RPS6KA2: variants seen among roughly 807,000 people sequenced by gnomAD.
The protein encoded by RPS6KA2 is ribosomal protein S6 kinase alpha-2.
In RPS6KA2, 42 loss-of-function variants were observed where a neutral mutation model predicts 91.8. The ratio of observed to expected loss-of-function variants is 0.46; its 90% CI spans 0.36 to 0.59. The LOEUF is 0.59. Among genes scored for constraint, RPS6KA2 ranks in the 20% least tolerant of loss-of-function variants. The pLI is 0.00. For missense variants in RPS6KA2, 798 were observed against 978.5 expected, an observed-to-expected ratio of 0.82 and a Z score of 2.46; for synonymous variants, 414 against 393.6, an observed-to-expected ratio of 1.05 and a Z score of -0.61.
intron 2 of RPS6KA2, chr6:166,702,131 C>T (rs374594812): frequency 4.0e-5 from 62 of 1,552,178 alleles, no homozygotes; most frequent in East Asian, 2.9e-4. Context: ...ATTTTCTTTA[C>T]GGTGGACATC....
intron 1 of RPS6KA2, among the ~76,000 whole-genome samples, chr6:166,623,322 A>G (rs1786712650): frequency 6.6e-6 from 1 of 152,232 alleles, no homozygotes; most frequent in African/African-American, 2.4e-5. Context: ...TAAGCTTTGG[A>G]GGTTCCACAT....
At chr6:166,809,339 G>C (rs915615513) in intron 2 of RPS6KA2, among the ~76,000 whole-genome samples, 2 of 152,044 alleles carry the variant, frequency 1.3e-5, no homozygotes, top group Non-Finnish European at 2.9e-5. Flanking sequence ...ACAAAATAAT[G>C]GATTTGACAA....
upstream of RPS6KA2, chr6:166,627,934 C>T (rs1263038319): frequency 6.6e-6 from 1 of 152,188 alleles, no homozygotes; most frequent in Non-Finnish European, 1.5e-5. Context: ...CAGGAGCCGC[C>T]CTCCGCGGAA....
At chr6:166,663,358 G>A (rs997512124) in intron 2 of RPS6KA2, among the ~76,000 whole-genome samples, 5 of 152,114 alleles carry the variant, frequency 3.3e-5, no homozygotes, top group East Asian at 3.9e-4. Flanking sequence ...GACAATGAAC[G>A]TGAATCTCAT....
Position 166,697,280 on chromosome 6 carries a change from C to T in RPS6KA2, c.124-158496G>A, listed in dbSNP as rs555554124. On this transcript the variant is annotated intron_variant, in intron 2 of 21. Transcript: ENST00000503859. ...CATTGTAAATAAACCATAGTGCAAC[C>T]CAAGAAATAGAAATGAAAGCGGAAG... is the stretch of plus-strand genomic sequence containing the variant. Among the ~76,000 whole-genome samples the T allele has an allele frequency of 2.0e-5, 3 of 152,204 alleles. No individual in the cohort carries two copies. In the South Asian group the frequency reaches 6.2e-4, roughly 32 times the overall value.
intron 10 of RPS6KA2, among the ~76,000 whole-genome samples, chr6:166,478,703 T>C (rs888169079): frequency 3.3e-5 from 5 of 152,152 alleles, no homozygotes; most frequent in Non-Finnish European, 5.9e-5. Flanking sequence ...AAGAAAAGTG[T>C]CAGATGAGCA....
At chr6:166,470,495 T>G (rs143062047) in intron 10 of RPS6KA2, among the ~76,000 whole-genome samples, 2 of 152,334 alleles carry the variant, frequency 1.3e-5, no homozygotes, top group Admixed American at 1.3e-4. Flanking sequence ...CTTTGTTCTG[T>G]TATTTCTACC....
Position 166,648,121 on chromosome 6 carries a change from C to G in RPS6KA2, c.124-109337G>C, listed in dbSNP as rs530716428. On this transcript the variant is annotated intron_variant, in intron 2 of 21. Coordinates refer to the RPS6KA2 transcript ENST00000503859. The surrounding 1 kb of genome is among the most constrained non-coding windows in gnomAD (Gnocchi z 4.8). ...TCATACACACACGTGCACACACACG[C>G]TCATACACATACATGCACACACGCA... 1.2e-3 allele frequency among the ~76,000 whole-genome samples: 179 copies of G among 151,356 alleles called. 1 individual carries two copies. The highest frequency in any genetic ancestry group is 3.8e-3 in the African/African-American group (157 of 41,194).
intron 10 of RPS6KA2, among the ~76,000 whole-genome samples, chr6:166,474,783 C>T (rs992565362): frequency 1.3e-5 from 2 of 152,138 alleles, no homozygotes; most frequent in African/African-American, 4.8e-5. Flanking sequence ...AACACCACAC[C>T]CAGGGTCTAG....
intron 1 of RPS6KA2, among the ~76,000 whole-genome samples, chr6:166,604,246 T>A (rs1180015385): frequency 6.6e-6 from 1 of 152,220 alleles, no homozygotes; most frequent in East Asian, 1.9e-4. Context: ...TATCAGTGTT[T>A]GTAAGTTTCA....
chr6:166,540,342 G>A (rs1203864850), intron 1 of RPS6KA2, among the ~76,000 whole-genome samples: 2 of 152,204 alleles, frequency 1.3e-5, no homozygotes, highest in Admixed American at 1.3e-4. Context: ...AACTCACAGC[G>A]GATTAGAGGC....
rs138885165 is a variant in RPS6KA2 at position 166,741,116 on chromosome 6, G to C, written c.123+117084C>G. Among the ~76,000 whole-genome samples, 1,104 of 152,374 alleles carry C rather than the reference G, an allele frequency of 7.2e-3. 6 individuals carry two copies. Among genetic ancestry groups the C allele is most frequent in the Non-Finnish European group, 0.012 (814 of 68,034 alleles). On this transcript the variant is annotated intron_variant, in intron 2 of 21. Transcript: ENST00000503859. The stretch of plus-strand genomic sequence containing the variant: ...AATCAGTGACACCTGAAGGAGAAAA[G>C]ATGGCTTGCAGAAAAACATGTACAG...
rs906301580 is a variant in RPS6KA2, at chr6:166,604,445, G to A, written c.99+22476C>T. Among the ~76,000 whole-genome samples the A allele has an allele frequency of 3.9e-5, 6 of 152,108 alleles. No homozygotes were observed. In the South Asian group the frequency reaches 6.2e-4, roughly 16 times the overall value. On this transcript the variant is annotated intron_variant, in intron 1 of 20. Transcript: ENST00000265678. Reference sequence around the variant, plus strand: ...AGACATAAACTCCATGTTTTATAATGCCCAGAGTGGTGCGTGCTTCCCCGC... The same window carrying A: ...AGACATAAACTCCATGTTTTATAATACCCAGAGTGGTGCGTGCTTCCCCGC...
chr6:166,797,834 G>C (rs1001655992), intron 2 of RPS6KA2, among the ~76,000 whole-genome samples: 6 of 152,190 alleles, frequency 3.9e-5, no homozygotes, highest in Non-Finnish European at 8.8e-5. Flanking sequence ...TTTAAGCACA[G>C]AGGTGATTGA....
intron 2 of RPS6KA2, chr6:166,701,465 T>TC (rs1417734704): frequency 2.6e-6 from 3 of 1,154,282 alleles, no homozygotes; most frequent in Non-Finnish European, 3.9e-6. Flanking sequence ...GATCCAGCGA[T>TC]CATCACCATC....
At chr6:166,646,621 G>A (rs1787610992) in intron 2 of RPS6KA2, among the ~76,000 whole-genome samples, 1 of 152,234 alleles carries the variant, frequency 6.6e-6, no homozygotes, top group Admixed American at 6.5e-5. Context: ...TCCCAGCCTG[G>A]CCCTTCTGGG....
At position 166,451,114 on chromosome 6, in the gene RPS6KA2, G is replaced by T. The variant is rs569060210; in HGVS notation, c.1195C>A (p.Pro399Thr). 16 of 1,614,094 alleles carry T rather than the reference G, an allele frequency of 9.9e-6. No homozygotes were observed. Among genetic ancestry groups the T allele is most frequent in the South Asian group, 2.2e-5 (2 of 91,068 alleles). ...GCAAACACAGTTACCTGCACGATTG[G>T]GTGAACTGGGACTTTGTGCAGATCT... The part of the protein sequence containing the change: ...QQDLHKVPVH[P>T]IVQQLHGNNI... Residue 399 changes from proline (P) to threonine (T), a missense_variant, in exon 13 of 21, where the codon CCA (proline) becomes ACA (threonine). Physicochemically the swap from Pro to Thr is conservative, Grantham distance 38 (BLOSUM62 -1). Transcript: ENST00000265678.
rs554356335 is a variant in RPS6KA2, at chr6:166,554,847, G to C, written c.100-16063C>G. ...CTCCACAGCAAGTCAGAAATACAGA[G>C]ATTGCCCACCGCATGAAAAATGTCT... On this transcript the variant is annotated intron_variant, in intron 1 of 20. Transcript: ENST00000265678. This position sits in a 1 kb window ranked among gnomAD's most constrained non-coding sequence, Gnocchi z 4.3. 2.4e-4 allele frequency among the ~76,000 whole-genome samples: 36 copies of C among 152,322 alleles called. No individual in the cohort carries two copies. In the South Asian group the frequency reaches 7.0e-3, roughly 30 times the overall value.
intron 2 of RPS6KA2, among the ~76,000 whole-genome samples, chr6:166,678,363 A>G (rs55872852): frequency 0.032 from 4,821 of 152,350 alleles, 122 homozygotes; most frequent in Non-Finnish European, 0.049. Context: ...ATCATGGGAA[A>G]GCTGGATTCC....
Sources: gnomAD v4.1 joint callset for allele counts (sites outside exome capture counted in the v4.1 genomes callset) on GRCh38, gnomAD v4.1.1 for gene constraint, Gnocchi (gnomAD v3.1) non-coding constraint, MANE v1.5 for transcripts, NCBI Gene and HGNC (gene_info 2026-07-23, HGNC 2026-07-21) for gene names.